The following EML5 variants were observed in gnomAD, a reference collection of about 807,000 sequenced individuals.
EML5 encodes the protein EMAP like 5.
Under a neutral mutation model 250.0 loss-of-function variants are expected in EML5, and 120 were observed. The observed-to-expected ratio is 0.48, with a 90% CI of 0.41 to 0.56. The LOEUF (loss-of-function observed/expected upper bound fraction) is 0.56. Among genes scored for constraint, EML5 ranks in the 20% least tolerant of loss-of-function variants. EML5 has a pLI of 0.00. For missense variants in EML5, 2,006 were observed against 2,437.6 expected (o/e 0.82, Z 3.73); for synonymous variants, 771 against 806.5 (o/e 0.96, Z 0.75).
chr14:88,721,727 A>T (rs2093592178), intron 8 of EML5, among the ~76,000 whole-genome samples: 1 of 152,198 alleles, frequency 6.6e-6, no homozygotes, highest in South Asian at 2.1e-4. Context: ...TCATGAAGAA[A>T]TCGCTAAAAG....
intron 27 of EML5, 133 bp from the exon 28 acceptor site, chr14:88,650,059 T>G (rs2091546885): frequency 3.6e-6 from 2 of 548,480 alleles, no homozygotes; most frequent in South Asian, 9.7e-5. Context: ...AATGTCTAAC[T>G]TATGTCACAT....
At chr14:88,630,451 C>CTT (rs2090377891) in intron 33 of EML5, among the ~76,000 whole-genome samples, 2 of 152,146 alleles carry the variant, frequency 1.3e-5, no homozygotes, top group Non-Finnish European at 2.9e-5. Flanking sequence ...CCATTACATC[C>CTT]TTTCTTCCTA....
intron 2 of EML5, among the ~76,000 whole-genome samples, chr14:88,752,983 C>T (rs35724380): frequency 2.6e-5 from 4 of 152,156 alleles, no homozygotes; most frequent in East Asian, 1.9e-4. Flanking sequence ...TCAATCTGTT[C>T]GTGTAACCTG....
chr14:88,712,354 T>G lies in EML5; in HGVS notation c.1574A>C (p.Asp525Ala). 1.2e-6 allele frequency: 2 copies of G among 1,613,428 alleles called. No individual in the cohort carries two copies. The highest frequency in any genetic ancestry group is 1.7e-6 in the Non-Finnish European group (2 of 1,179,566). Residue 525 changes from aspartate to alanine, a missense_variant, in exon 10 of 44, where the codon GAT becomes GCT. Asp to Ala is a moderately radical substitution (Grantham distance 126). Transcript: ENST00000554922. ...TAAAACTTGGCCAATATAATTTCCA[T>G]CTACTGAATTTATATCGTTGATATC... ...YSDINDINSV[D>A]GNYIGQVLVT...
At chr14:88,681,372 A>C (rs2141161750) in intron 21 of EML5, among the ~76,000 whole-genome samples, 1 of 152,338 alleles carries the variant, frequency 6.6e-6, no homozygotes, top group South Asian at 2.1e-4. Flanking sequence ...CCACTTTGGC[A>C]GGCCGAGGTG....
chr14:88,728,367 C>A (rs1391029542), intron 7 of EML5, among the ~76,000 whole-genome samples: 1 of 152,128 alleles, frequency 6.6e-6, no homozygotes, highest in Non-Finnish European at 1.5e-5. Flanking sequence ...AAAGCCACGT[C>A]TAATGTTTAA....
At chr14:88,668,361 A>G (rs550194679) in intron 21 of EML5, among the ~76,000 whole-genome samples, 1 of 152,280 alleles carries the variant, frequency 6.6e-6, no homozygotes, top group African/African-American at 2.4e-5. Context: ...GGAAACAGAA[A>G]AAGGGAGTCA....
chr14:88,690,534 T>G (rs2092932540), intron 17 of EML5, among the ~76,000 whole-genome samples: 1 of 152,040 alleles, frequency 6.6e-6, no homozygotes, highest in African/African-American at 2.4e-5. Flanking sequence ...GGTGGAGTGG[T>G]GAGGTGAAAA....
At chr14:88,768,087 G>C (rs1033064458) in intron 1 of EML5, among the ~76,000 whole-genome samples, 1 of 152,122 alleles carries the variant, frequency 6.6e-6, no homozygotes, top group Non-Finnish European at 1.5e-5. Flanking sequence ...ATTTGGATTT[G>C]TCATGGTTTC....
chr14:88,630,304 A>G (rs1468812503), intron 33 of EML5, among the ~76,000 whole-genome samples: 2 of 152,102 alleles, frequency 1.3e-5, no homozygotes, highest in Non-Finnish European at 2.9e-5. Context: ...TGCTAGGATT[A>G]CAGGCATGAG....
intron 1 of EML5, among the ~76,000 whole-genome samples, chr14:88,756,245 CA>C (rs1231930495): frequency 2.6e-5 from 4 of 151,662 alleles, no homozygotes; most frequent in African/African-American, 4.8e-5. Flanking sequence ...GAAGAAAGGT[CA>C]AAAAAACTCC....
At chr14:88,762,541 T>C (rs2094259834) in intron 1 of EML5, among the ~76,000 whole-genome samples, 1 of 151,748 alleles carries the variant, frequency 6.6e-6, no homozygotes, top group Admixed American at 6.6e-5. Flanking sequence ...TACAAAGAGA[T>C]TTAGACTCCC....
chr14:88,707,951 A>G (rs185816803), intron 10 of EML5, among the ~76,000 whole-genome samples: 1 of 152,300 alleles, frequency 6.6e-6, no homozygotes, highest in East Asian at 1.9e-4. Flanking sequence ...AACAAATAAA[A>G]TTCCAAGTTC....
chr14:88,741,512 T>C lies in EML5; in HGVS notation c.526-940A>G, dbSNP rs2093925249. Among the ~76,000 whole-genome samples the C allele has an allele frequency of 3.9e-5, 6 of 152,276 alleles. No homozygotes were observed. In the South Asian group the frequency reaches 1.2e-3, roughly 32 times the overall value. ...GTTCTATTAGGTGGAATTAGGTAAA[T>C]TTTTATAGTTCACGGAGAGAAATTT... is the stretch of plus-strand genomic sequence containing the variant. On this transcript the variant is annotated intron_variant, in intron 4 of 43. Transcript: ENST00000554922.
At chr14:88,627,158 C>A (rs1037072490) in intron 34 of EML5, 112 bp from the exon 35 acceptor site, 6 of 998,430 alleles carry the variant, frequency 6.0e-6, no homozygotes, top group Non-Finnish European at 9.1e-6. Context: ...AGAAGAGAGG[C>A]CAATGGCCCC....
chr14:88,712,770 T>G (rs2093427132), intron 9 of EML5, among the ~76,000 whole-genome samples: 2 of 152,092 alleles, frequency 1.3e-5, no homozygotes, highest in South Asian at 4.1e-4. Flanking sequence ...GAATCTTATT[T>G]AAAAAATGAT....
chr14:88,617,143 A>AT, intron 41 of EML5: 1 of 264,184 alleles, frequency 3.8e-6, no homozygotes, highest in East Asian at 6.7e-5. Context: ...TGATAGAACT[A>AT]TTTTTTCTTT....
intron 42 of EML5, 66 bp from the exon 43 acceptor site, chr14:88,616,308 G>C (rs192352666): frequency 1.4e-6 from 2 of 1,440,140 alleles, no homozygotes; most frequent in African/African-American, 2.8e-5. Flanking sequence ...CTCTTATTAG[G>C]AACTATAATC....
At chr14:88,712,117 T>C (rs2093418411) in intron 10 of EML5, among the ~76,000 whole-genome samples, 154 bp downstream of exon 10, 1 of 152,186 alleles carries the variant, frequency 6.6e-6, no homozygotes, top group Admixed American at 6.5e-5. Flanking sequence ...ATGCAGCATA[T>C]GACAATAATT....
Sources: gnomAD v4.1 joint callset for allele counts (sites outside exome capture counted in the v4.1 genomes callset) on GRCh38, gnomAD v4.1.1 for gene constraint, MANE v1.5 for transcripts, NCBI Gene and HGNC (gene_info 2026-07-23, HGNC 2026-07-21) for gene names.